The following CORIN variants were observed in gnomAD, a reference collection of about 807,000 sequenced individuals.
The protein encoded by CORIN is atrial natriuretic peptide-converting enzyme.
Under a neutral mutation model 125.3 loss-of-function variants are expected in CORIN, and 117 were observed. The ratio of observed to expected loss-of-function variants is 0.93; its 90% confidence interval spans 0.80 to 1.09. CORIN has a LOEUF of 1.09. CORIN is among the 50% of genes least tolerant of loss of function. CORIN has a pLI of 0.00. For missense variants in CORIN, 1,253 were observed against 1,306.7 expected (o/e 0.96, Z 0.63); for synonymous variants, 450 against 466.4 (o/e 0.96, Z 0.45).
intron 4 of CORIN, among the ~76,000 whole-genome samples, chr4:47,757,872 A>ATTATGTG (rs565318697): frequency 9.1e-6 from 1 of 110,234 alleles, no homozygotes; most frequent in Non-Finnish European, 1.8e-5. Context: ...ATATACATAT[A>ATTATGTG]TATATGTATA....
chr4:47,702,508 C>A (rs566703350), intron 5 of CORIN, among the ~76,000 whole-genome samples: 32 of 152,172 alleles, frequency 2.1e-4, no homozygotes, highest in African/African-American at 7.7e-4. Context: ...GTTTGAAGAG[C>A]CATCCCATGG....
At position 47,819,346 on chromosome 4, in the gene CORIN, G is replaced by A. The variant is rs73137921; in HGVS notation, c.64-12299C>T. 9.3e-3 allele frequency among the ~76,000 whole-genome samples: 1,413 copies of A among 152,208 alleles called. 20 individuals are homozygous for A. Among genetic ancestry groups the A allele is most frequent in the African/African-American group, 0.032 (1,336 of 41,528 alleles). On this transcript the variant is annotated intron_variant, in intron 1 of 21. Coordinates refer to ENST00000273857, the MANE Select transcript of CORIN (RefSeq NM_006587.4). ...AAGTTGGCAAAGATCATGGCCAGAA[G>A]ACAAAGAGAAACTAAAAGCAAACTG... is the stretch of plus-strand genomic sequence containing the variant.
chr4:47,798,758 T>C (rs1345225891), intron 2 of CORIN, among the ~76,000 whole-genome samples: 1 of 152,190 alleles, frequency 6.6e-6, no homozygotes, highest in African/African-American at 2.4e-5. Context: ...GTGTATATTA[T>C]GTGATGCTGA....
chr4:47,684,571 G>A (rs1391390347), intron 6 of CORIN, among the ~76,000 whole-genome samples: 1 of 152,160 alleles, frequency 6.6e-6, no homozygotes, highest in Non-Finnish European at 1.5e-5. Context: ...AGGAGTCTGT[G>A]AACTGATGTA....
intron 12 of CORIN, among the ~76,000 whole-genome samples, chr4:47,659,879 G>A (rs534564590): frequency 1.3e-5 from 2 of 152,260 alleles, no homozygotes; most frequent in Non-Finnish European, 2.9e-5. Flanking sequence ...AAAAGACTCA[G>A]AACAGCCAAA....
At chr4:47,625,169 C>T (rs1722501483) in intron 17 of CORIN, among the ~76,000 whole-genome samples, 1 of 152,056 alleles carries the variant, frequency 6.6e-6, no homozygotes, top group Non-Finnish European at 1.5e-5. Context: ...TGTATGTTCC[C>T]TGAGATGAGG....
intron 2 of CORIN, among the ~76,000 whole-genome samples, chr4:47,804,724 TG>T (rs1295428703): frequency 2.1e-4 from 1 of 4,722 alleles, no homozygotes; most frequent in East Asian, 5.1e-3. Flanking sequence ...GGAAGGATGG[TG>T]GGGGGTGGGG....
chr4:47,632,110 G>C (rs538767552), intron 16 of CORIN: 1 of 152,094 alleles, frequency 6.6e-6, no homozygotes, highest in African/African-American at 2.4e-5. Context: ...TTATGTTGGG[G>C]CTGCTTACTT....
chr4:47,732,296 G>A (rs538771501), intron 5 of CORIN, among the ~76,000 whole-genome samples: 1 of 152,230 alleles, frequency 6.6e-6, no homozygotes, highest in Non-Finnish European at 1.5e-5. Context: ...GAATGAAGAA[G>A]AAACCAACAG....
At chr4:47,596,822 T>G (rs1420479057) in intron 21 of CORIN, among the ~76,000 whole-genome samples, 1 of 152,252 alleles carries the variant, frequency 6.6e-6, no homozygotes, top group Non-Finnish European at 1.5e-5. Flanking sequence ...TAATGTTTCC[T>G]GATCCTCTTC....
At chr4:47,786,590 G>GC in intron 3 of CORIN, 135 bp downstream of exon 3, 1 of 676,006 alleles carries the variant, frequency 1.5e-6, no homozygotes, top group Non-Finnish European at 2.6e-6. Context: ...ACTCAGCTAC[G>GC]CTTACCAGGA....
In CORIN at chr4:47,643,148, C is replaced by T; in HGVS notation, c.2066G>A (p.Cys689Tyr). ...DCSDSSDEWDCVTLSINVNSS... is the reference protein window; with the variant it reads ...DCSDSSDEWDYVTLSINVNSS... Reference sequence around the variant, plus strand: ...GATGGCAGAAACAAGTAGCTCACCACAGTCCCATTCATCTGAACTGTCTGA... The same window carrying T: ...GATGGCAGAAACAAGTAGCTCACCATAGTCCCATTCATCTGAACTGTCTGA... Residue 689 changes from cysteine (C) to tyrosine (Y), a missense_variant and splice_region_variant, in exon 15 of 22, where the codon TGT (cysteine) becomes TAT (tyrosine). Coordinates refer to ENST00000273857, the MANE Select transcript of CORIN (RefSeq NM_006587.4). 1.9e-6 allele frequency: 3 copies of T among 1,614,148 alleles called. No individual in the cohort carries two copies. The highest frequency in any genetic ancestry group is 1.7e-6 in the Non-Finnish European group (2 of 1,179,994).
At chr4:47,771,861 A>C (rs1730046778) in intron 3 of CORIN, among the ~76,000 whole-genome samples, 2 of 152,232 alleles carry the variant, frequency 1.3e-5, no homozygotes, top group African/African-American at 4.8e-5. Context: ...CAGTTAAGCC[A>C]ATGTCTTGCT....
At chr4:47,800,213 G>A (rs1731479948) in intron 2 of CORIN, among the ~76,000 whole-genome samples, 1 of 151,868 alleles carries the variant, frequency 6.6e-6, no homozygotes. Flanking sequence ...CTACTGAATT[G>A]TAGACTTTAA....
At chr4:47,746,041 A>T (rs781103585) in intron 4 of CORIN, among the ~76,000 whole-genome samples, 6 of 152,224 alleles carry the variant, frequency 3.9e-5, no homozygotes, top group African/African-American at 7.2e-5. Flanking sequence ...TTCAGCATAT[A>T]AAATATGAAT....
At chr4:47,836,955 C>T (rs1380660653) in intron 1 of CORIN, among the ~76,000 whole-genome samples, 1 of 152,206 alleles carries the variant, frequency 6.6e-6, no homozygotes, top group Non-Finnish European at 1.5e-5. Context: ...CGGTAGCAAG[C>T]GGATTCCGGG....
chr4:47,664,702 C>T (rs1724394599), intron 11 of CORIN, among the ~76,000 whole-genome samples: 1 of 152,100 alleles, frequency 6.6e-6, no homozygotes, highest in African/African-American at 2.4e-5. Flanking sequence ...GAAAAAGAGG[C>T]AGATATATCC....
intron 4 of CORIN, among the ~76,000 whole-genome samples, chr4:47,745,855 G>A (rs577644960): frequency 6.6e-6 from 1 of 152,268 alleles, no homozygotes; most frequent in South Asian, 2.1e-4. Context: ...ATGGAAAAAG[G>A]GAATTCAACA....
At chr4:47,758,798 T>C (rs1432158128) in intron 4 of CORIN, among the ~76,000 whole-genome samples, 1 of 152,206 alleles carries the variant, frequency 6.6e-6, no homozygotes, top group African/African-American at 2.4e-5. Context: ...CACTTCTCCT[T>C]CCTGCCATCA....
Sources: gnomAD v4.1 joint callset for allele counts (sites outside exome capture counted in the v4.1 genomes callset) on GRCh38, gnomAD v4.1.1 for gene constraint, MANE v1.5 for transcripts, NCBI Gene and HGNC (gene_info 2026-07-23, HGNC 2026-07-21) for gene names.